The following CYP19A1 variants were observed in gnomAD, a reference collection of about 807,000 sequenced individuals.
CYP19A1 encodes aromatase.
A neutral mutation model predicts 44.4 loss-of-function variants in CYP19A1; 32 were observed. That is an observed-to-expected ratio of 0.72 (90% confidence interval 0.54 to 0.97). The LOEUF is 0.97. Among genes scored for constraint, CYP19A1 ranks in the 50% least tolerant of loss-of-function variants. The probability of loss-of-function intolerance (pLI) is 0.00; values close to 1 mark genes in which losing one functional copy is unlikely to be tolerated. For synonymous variants in CYP19A1, 212 were observed against 215.6 expected, an observed-to-expected ratio of 0.98 and a Z score of 0.14; for missense variants, 598 against 637.8, an observed-to-expected ratio of 0.94 and a Z score of 0.67.
rs58537794 is a variant in CYP19A1 at position 51,256,344 on chromosome 15, T to C, written c.-38-13394A>G. ...CTCAAACCAGGTTTAACAGCCTATA[T>C]TTAAGAAGCTTCCATTTCTGCGGAA... On this transcript the variant is annotated intron_variant, in intron 1 of 9. Transcript: ENST00000396402. 7.4e-3 allele frequency among the ~76,000 whole-genome samples: 1,123 copies of C among 152,332 alleles called. 11 individuals carry two copies. The highest frequency in any genetic ancestry group is 0.012 in the Non-Finnish European group (789 of 68,032).
chr15:51,271,284 C>G (rs986830921), intron 1 of CYP19A1, among the ~76,000 whole-genome samples: 1 of 152,150 alleles, frequency 6.6e-6, no homozygotes, highest in African/African-American at 2.4e-5. Context: ...GGGAGCAATA[C>G]CCCTCTAACC....
In CYP19A1 at chr15:51,338,574, C is replaced by G. The variant is rs1053290768; in HGVS notation, c.-118G>C. On this transcript the variant is annotated 5_prime_UTR_variant, in exon 1 of 10. Transcript: ENST00000396402. The stretch of plus-strand genomic sequence containing the variant: ...TTCTTCACCTTCCTGTTTGCCTCCA[C>G]GTGTTCAGCCCTCCAGAAACTCCCT... 6.6e-6 allele frequency: 1 copy of G among 152,308 alleles called. No individual in the cohort carries two copies. Among genetic ancestry groups the G allele is most frequent in the Non-Finnish European group, 1.5e-5 (1 of 68,102 alleles). 9.4% of individuals were successfully genotyped at this position (152,308 alleles called of 1,614,324 possible).
intron 1 of CYP19A1, among the ~76,000 whole-genome samples, chr15:51,319,761 T>A (rs2036493967): frequency 6.6e-6 from 1 of 152,236 alleles, no homozygotes; most frequent in African/African-American, 2.4e-5. Flanking sequence ...GTGTGCAAGC[T>A]GCTCTTTTAA....
chr15:51,258,877 C>A (rs2141159133), intron 1 of CYP19A1, among the ~76,000 whole-genome samples: 1 of 152,196 alleles, frequency 6.6e-6, no homozygotes, highest in Non-Finnish European at 1.5e-5. Context: ...AATGGGGAGC[C>A]AGCAATACCC....
intron 1 of CYP19A1, among the ~76,000 whole-genome samples, chr15:51,328,178 T>C (rs1475205140): frequency 6.6e-6 from 1 of 152,240 alleles, no homozygotes; most frequent in African/African-American, 2.4e-5. Context: ...AACAAATATG[T>C]ACCATCTTCA....
chr15:51,256,626 T>C (rs1178428547), intron 1 of CYP19A1, among the ~76,000 whole-genome samples: 1 of 152,206 alleles, frequency 6.6e-6, no homozygotes, highest in Non-Finnish European at 1.5e-5. Context: ...TAACCTTGGC[T>C]GGGCAAGTGA....
chr15:51,227,819 A>G lies in CYP19A1; in HGVS notation c.411T>C (p.Asn137=). ...MHEKGIIFNN[N]PELWKTTRPF... is the part of the protein sequence containing the mutation. ...GTCGAGTTGTTTTCCAGAGCTCTGG[A>G]TTGTTGTTAAATATGATGCCTTTCT... Residue 137 remains asparagine (N), a synonymous_variant, in exon 4 of 10, where the codon AAT becomes AAC. Transcript: ENST00000396402. The G allele has an allele frequency of 1.3e-6, 2 of 1,550,142 alleles. No individual in the cohort carries two copies. The highest frequency in any genetic ancestry group is 1.8e-6 in the Non-Finnish European group (2 of 1,121,852).
At chr15:51,317,128 G>T (rs796261236) in intron 1 of CYP19A1, among the ~76,000 whole-genome samples, 4 of 147,882 alleles carry the variant, frequency 2.7e-5, no homozygotes, top group African/African-American at 7.5e-5. Flanking sequence ...TTTTGACAGA[G>T]TCTCACTCTA....
At chr15:51,272,159 C>T (rs1210451225) in intron 1 of CYP19A1, among the ~76,000 whole-genome samples, 2 of 152,200 alleles carry the variant, frequency 1.3e-5, no homozygotes, top group Non-Finnish European at 2.9e-5. Context: ...TGTCCATCTT[C>T]GATTTTTCCC....
intron 1 of CYP19A1, among the ~76,000 whole-genome samples, chr15:51,303,985 G>A (rs2141004467): frequency 6.6e-6 from 1 of 152,320 alleles, no homozygotes; most frequent in East Asian, 1.9e-4. Flanking sequence ...AGTAATAGTG[G>A]TGATAATAGT....
At chr15:51,225,063 T>C (rs957156044) in intron 4 of CYP19A1, among the ~76,000 whole-genome samples, 1 of 152,220 alleles carries the variant, frequency 6.6e-6, no homozygotes, top group Non-Finnish European at 1.5e-5. Flanking sequence ...TCATCTGTAC[T>C]TGGCATCACT....
In CYP19A1 at chr15:51,280,319, T is replaced by C. The variant is rs188559186; in HGVS notation, c.-38-37369A>G. Among the ~76,000 whole-genome samples, 165 of 151,900 alleles carry C rather than the reference T, an allele frequency of 1.1e-3. 2 individuals carry two copies. The highest frequency in any genetic ancestry group is 3.5e-3 in the African/African-American group (147 of 41,426). ...TTCACAGTCTTAGCCAGGATGGTCT[T>C]GATCTCCTGACCTCGTGATCCACCC... is the stretch of plus-strand genomic sequence containing the variant. On this transcript the variant is annotated intron_variant, in intron 1 of 9. Transcript: ENST00000396402.
intron 1 of CYP19A1, among the ~76,000 whole-genome samples, chr15:51,248,725 C>T (rs2034174652): frequency 6.6e-6 from 1 of 152,152 alleles, no homozygotes; most frequent in Non-Finnish European, 1.5e-5. Flanking sequence ...TTGTTACAAA[C>T]CTGTTGCCTG....
intron 2 of CYP19A1, among the ~76,000 whole-genome samples, chr15:51,239,872 C>T (rs2033642059): frequency 6.6e-6 from 1 of 152,174 alleles, no homozygotes; most frequent in African/African-American, 2.4e-5. Flanking sequence ...CCCTAGTTCC[C>T]TGCTCTGGGA....
intron 1 of CYP19A1, among the ~76,000 whole-genome samples, chr15:51,325,370 C>G (rs769464023): frequency 6.6e-6 from 1 of 152,076 alleles, no homozygotes; most frequent in Non-Finnish European, 1.5e-5. Context: ...ACTTGCAGCC[C>G]ATAGATATTC....
At chr15:51,241,435 C>A (rs180809401) in intron 2 of CYP19A1, among the ~76,000 whole-genome samples, 1,761 of 152,242 alleles carry the variant, frequency 0.012, 37 homozygotes, top group Non-Finnish European at 0.013. Context: ...ATGGGCAATG[C>A]TGCGTGGGCA....
intron 1 of CYP19A1, among the ~76,000 whole-genome samples, chr15:51,248,247 C>T (rs2034152097): frequency 6.6e-6 from 1 of 152,246 alleles, no homozygotes; most frequent in Admixed American, 6.5e-5. Flanking sequence ...TGATGCCAAA[C>T]AAACCATCTC....
intron 8 of CYP19A1, among the ~76,000 whole-genome samples, chr15:51,213,719 C>T (rs1335357242): frequency 6.6e-6 from 1 of 152,160 alleles, no homozygotes; most frequent in Non-Finnish European, 1.5e-5. Context: ...GTACATTTCA[C>T]CTCTCAAATA....
chr15:51,281,848 A>G (rs991301442), intron 1 of CYP19A1, among the ~76,000 whole-genome samples: 3 of 152,232 alleles, frequency 2.0e-5, no homozygotes, highest in African/African-American at 7.2e-5. Flanking sequence ...ACATACACCA[A>G]TGACATATAC....
Sources: gnomAD v4.1 joint callset for allele counts (sites outside exome capture counted in the v4.1 genomes callset) on GRCh38, gnomAD v4.1.1 for gene constraint, MANE v1.5 for transcripts, NCBI Gene and HGNC (gene_info 2026-07-23, HGNC 2026-07-21) for gene names.